TNPO3: variants seen among roughly 807,000 people sequenced by gnomAD.
TNPO3 encodes transportin-3.
In TNPO3, 65 loss-of-function variants were observed where a neutral mutation model predicts 122.8. That is an observed-to-expected ratio of 0.53 (90% CI 0.43 to 0.65). The LOEUF (loss-of-function observed/expected upper bound fraction) is 0.65, where lower values mean the gene tolerates loss of function less well. Ranked by LOEUF, TNPO3 falls within the 30% of genes least tolerant of loss-of-function variation. The probability of loss-of-function intolerance (pLI) is 0.00; values close to 1 mark genes in which losing one functional copy is unlikely to be tolerated. For synonymous variants in TNPO3, 372 were observed against 411.2 expected (o/e 0.90, Z 1.15); for missense variants, 850 against 1,136.7 (o/e 0.75, Z 3.63).
At chr7:128,997,978 C>T (rs11773774) in intron 7 of TNPO3, among the ~76,000 whole-genome samples, 38,758 of 150,262 alleles carry the variant, frequency 0.26, 6,137 homozygotes, top group Middle Eastern at 0.36. Context: ...GCTGGGACTA[C>T]AGGTACACAC....
intron 15 of TNPO3, among the ~76,000 whole-genome samples, chr7:128,979,584 T>C (rs1490108371): frequency 1.3e-5 from 2 of 152,214 alleles, no homozygotes; most frequent in East Asian, 1.9e-4. Flanking sequence ...AAGCAATTCT[T>C]AAAACATGAC....
rs1376084300 is a variant in TNPO3, at chr7:128,986,828, G to T, written c.1591C>A (p.Arg531=). 6.2e-7 allele frequency: 1 copy of T among 1,614,062 alleles called. No homozygotes were observed. Among genetic ancestry groups the T allele is most frequent in the Non-Finnish European group, 8.5e-7 (1 of 1,179,990 alleles). ...TTAAAGTGCTGAGCCATGTGATCTC[G>T]GCAGACAGAGCAAATGTTATGAATG... is the stretch of plus-strand genomic sequence containing the variant. ...KAIHNICSVC[R]DHMAQHFNGL... Residue 531 remains arginine (R), a synonymous_variant, in exon 12 of 23, where the codon CGA becomes AGA. Coordinates refer to ENST00000265388, the MANE Select transcript of TNPO3 (RefSeq NM_012470.4).
chr7:129,049,785 C>CTGA (rs1327826280), intron 1 of TNPO3, among the ~76,000 whole-genome samples: 1 of 152,098 alleles, frequency 6.6e-6, no homozygotes, highest in East Asian at 1.9e-4. Flanking sequence ...TCCGAAAAGG[C>CTGA]TGATATTTGC....
chr7:129,051,041 C>G (rs543825708), intron 1 of TNPO3, among the ~76,000 whole-genome samples: 1 of 151,986 alleles, frequency 6.6e-6, no homozygotes, highest in East Asian at 1.9e-4. Flanking sequence ...ATACATATTT[C>G]CTTTAGCCAA....
intron 1 of TNPO3, among the ~76,000 whole-genome samples, chr7:129,042,397 A>G (rs1807488835): frequency 6.6e-6 from 1 of 152,192 alleles, no homozygotes; most frequent in African/African-American, 2.4e-5. Context: ...GAAAACTACA[A>G]ATCGGTCAAA....
chr7:128,979,970 C>T lies in TNPO3; in HGVS notation c.1920+1G>A, dbSNP rs1799463371. On this transcript the variant is annotated splice_donor_variant, in intron 15 of 22. Transcript: ENST00000265388. LOFTEE classifies it high-confidence loss of function. ...TTCCACAAGCATCCATTAGCACTTACTTCCTGTATGACTTTCTGACACGGA... is the reference window on the plus strand; with the variant it reads ...TTCCACAAGCATCCATTAGCACTTATTTCCTGTATGACTTTCTGACACGGA... 1 of 1,613,938 alleles carries T rather than the reference C, an allele frequency of 6.2e-7. No homozygotes were observed. Among genetic ancestry groups the T allele is most frequent in the Non-Finnish European group, 8.5e-7 (1 of 1,179,828 alleles).
chr7:129,005,530 C>T (rs1226818504), intron 4 of TNPO3, among the ~76,000 whole-genome samples: 2 of 152,120 alleles, frequency 1.3e-5, no homozygotes, highest in Non-Finnish European at 2.9e-5. Flanking sequence ...TGGGAATGAA[C>T]ATCCCCCTTG....
intron 21 of TNPO3, among the ~76,000 whole-genome samples, chr7:128,959,913 C>T (rs1474844810): frequency 1.3e-5 from 2 of 152,066 alleles, no homozygotes; most frequent in East Asian, 3.9e-4. Flanking sequence ...CCCAGCTACT[C>T]GGGAGGCTGA....
chr7:128,974,272 T>C (rs557020168), intron 18 of TNPO3, among the ~76,000 whole-genome samples: 5 of 150,648 alleles, frequency 3.3e-5, no homozygotes, highest in Non-Finnish European at 5.9e-5. Flanking sequence ...TTTTGTTGTT[T>C]CGAAAATAAT....
chr7:128,962,371 C>CA (rs11287209), intron 21 of TNPO3, among the ~76,000 whole-genome samples: 1,296 of 101,988 alleles, frequency 0.013, 21 homozygotes, highest in South Asian at 0.017. Flanking sequence ...GACTCCGTCT[C>CA]AAAAAAAAAA....
chr7:128,980,346 G>A (rs1179933860), intron 14 of TNPO3, among the ~76,000 whole-genome samples: 1 of 152,174 alleles, frequency 6.6e-6, no homozygotes, highest in Non-Finnish European at 1.5e-5. Context: ...GGTGGCTCAC[G>A]CCTGTAATCC....
At chr7:128,970,498 T>C (rs930642084) in intron 19 of TNPO3, among the ~76,000 whole-genome samples, 183 bp from the exon 20 acceptor site, 6 of 152,108 alleles carry the variant, frequency 3.9e-5, no homozygotes, top group South Asian at 2.1e-4. Flanking sequence ...AGTCCAGAAG[T>C]TTTTTGTCTT....
chr7:129,044,023 C>T (rs1256554145), intron 1 of TNPO3, among the ~76,000 whole-genome samples: 2 of 152,204 alleles, frequency 1.3e-5, no homozygotes, highest in Non-Finnish European at 2.9e-5. Flanking sequence ...GTTAACAGTG[C>T]TTAAGACTCA....
chr7:129,003,406 A>G (rs1802221054), intron 5 of TNPO3, among the ~76,000 whole-genome samples: 1 of 150,396 alleles, frequency 6.6e-6, no homozygotes, highest in Non-Finnish European at 1.5e-5. Flanking sequence ...GTGGTGGCTC[A>G]CATCTGTAAT....
Position 129,051,653 on chromosome 7 carries a change from G to GT in TNPO3, c.120+2997dup, listed in dbSNP as rs571783766. On this transcript the variant is annotated intron_variant, in intron 1 of 22. Transcript: ENST00000265388. ...GCCTGGCCTGGCTGGCAACTTTTTT[G>GT]TTTTTTTTGAAATGGAGTCGCGCTC... 3.8e-3 allele frequency among the ~76,000 whole-genome samples: 579 copies of GT among 151,530 alleles called. 1 individual carries two copies. The highest frequency in any genetic ancestry group is 0.013 in the African/African-American group (549 of 41,374).
intron 1 of TNPO3, among the ~76,000 whole-genome samples, chr7:129,049,807 G>C (rs748245490): frequency 6.6e-5 from 10 of 152,210 alleles, no homozygotes; most frequent in Non-Finnish European, 1.5e-4. Context: ...TGGGGGTGGG[G>C]AGGGAGGATG....
intron 1 of TNPO3, among the ~76,000 whole-genome samples, chr7:129,031,597 T>C (rs1805957101): frequency 6.6e-6 from 1 of 152,188 alleles, no homozygotes; most frequent in Non-Finnish European, 1.5e-5. Context: ...ATGGCTTTAC[T>C]GGTGAATTCT....
intron 22 of TNPO3, 135 bp downstream of exon 22, chr7:128,957,089 A>G: frequency 1.3e-6 from 1 of 745,798 alleles, no homozygotes; most frequent in Non-Finnish European, 2.2e-6. Context: ...TGTTCACCAC[A>G]GTTAAACTGC....
In TNPO3 at chr7:128,990,015, T is replaced by C; in HGVS notation, c.1444A>G (p.Ile482Val). The stretch of plus-strand genomic sequence containing the variant: ...TCACTCATCTCTCCAACCAATTCAA[T>C]GCTGGTGTATCGCACAGCCGTATGT... ...TVHTAVRYTS[I>V]ELVGEMSEVV... Residue 482 changes from isoleucine (I) to valine (V), a missense_variant, in exon 11 of 23, where the codon ATT (isoleucine) becomes GTT (valine). Transcript: ENST00000265388. 1.2e-6 allele frequency: 2 copies of C among 1,614,246 alleles called. No homozygotes were observed. Among genetic ancestry groups the C allele is most frequent in the Non-Finnish European group, 1.7e-6 (2 of 1,180,046 alleles).
Sources: allele counts gnomAD v4.1 joint callset (sites outside exome capture counted in the v4.1 genomes callset), GRCh38; gene constraint gnomAD v4.1.1; transcripts MANE v1.5; gene names NCBI Gene and HGNC (gene_info 2026-07-23, HGNC 2026-07-21).